Variants in PRKAG2 observed in about 807,000 individuals in gnomAD.
PRKAG2 encodes the protein 5'-AMP-activated protein kinase subunit gamma-2.
PRKAG2 carries 26 observed loss-of-function variants against 69.6 expected under a neutral mutation model. That is an observed-to-expected ratio of 0.37 (90% CI 0.27 to 0.52). The LOEUF (loss-of-function observed/expected upper bound fraction) is 0.52. Ranked by LOEUF, PRKAG2 falls within the 20% of genes least tolerant of loss-of-function variation. PRKAG2 has a pLI of 0.90. For missense variants in PRKAG2, 557 were observed against 740.0 expected (o/e 0.75, Z 2.87); for synonymous variants, 293 against 285.0 (o/e 1.03, Z -0.28).
intron 5 of PRKAG2, among the ~76,000 whole-genome samples, chr7:151,596,012 TAATAA>T (rs907438893): frequency 6.6e-6 from 1 of 150,770 alleles, no homozygotes. Context: ...TCTACAAAAC[TAATAA>T]AATAAAATAA....
chr7:151,653,185 T>C (rs1828829500), intron 4 of PRKAG2, among the ~76,000 whole-genome samples: 1 of 150,240 alleles, frequency 6.7e-6, no homozygotes, highest in Non-Finnish European at 1.5e-5. Flanking sequence ...CAAGAGGTCC[T>C]GTTCCCTTTA....
intron 13 of PRKAG2, 145 bp downstream of exon 13, chr7:151,565,201 G>A (rs770372030): frequency 3.7e-4 from 222 of 599,550 alleles, no homozygotes; most frequent in Non-Finnish European, 5.6e-4. Flanking sequence ...TACTATAGAA[G>A]GTCTATAAAA....
At chr7:151,692,474 G>A (rs1835831621) in intron 3 of PRKAG2, among the ~76,000 whole-genome samples, 1 of 152,202 alleles carries the variant, frequency 6.6e-6, no homozygotes, top group African/African-American at 2.4e-5. Flanking sequence ...AAGGGATGCG[G>A]AAATTTCTTT....
chr7:151,806,616 C>T (rs4726099), intron 1 of PRKAG2: 30,291 of 172,136 alleles, frequency 0.18, 2,884 homozygotes, highest in Non-Finnish European at 0.18. Flanking sequence ...GTGGACAATC[C>T]TTCAAAATTT....
intron 9 of PRKAG2, among the ~76,000 whole-genome samples, chr7:151,571,570 C>A (rs1334720407): frequency 6.6e-6 from 1 of 152,128 alleles, no homozygotes; most frequent in Admixed American, 6.5e-5. Flanking sequence ...ATTATTACTA[C>A]AAAATATCAT....
At chr7:151,753,156 G>A (rs1256079114) in intron 3 of PRKAG2, among the ~76,000 whole-genome samples, 1 of 152,256 alleles carries the variant, frequency 6.6e-6, no homozygotes, top group Admixed American at 6.5e-5. Flanking sequence ...CTGAGGAGCT[G>A]TTCCAGATGA....
At chr7:151,795,468 G>A (rs1215983916) in intron 1 of PRKAG2, among the ~76,000 whole-genome samples, 2 of 152,164 alleles carry the variant, frequency 1.3e-5, no homozygotes, top group East Asian at 1.9e-4. Context: ...GGGATGTTAT[G>A]GGACAGGGAG....
rs139958503 is a variant in PRKAG2 at position 151,824,469 on chromosome 7, C to T, written c.115-37928G>A. ...AATGGTATCGACTGATACTTTAAAT[C>T]GTGATGAGATTGTAATGAGATCCTA... On this transcript the variant is annotated intron_variant, in intron 1 of 15. Transcript: ENST00000287878. 8.5e-3 allele frequency among the ~76,000 whole-genome samples: 1,294 copies of T among 152,250 alleles called. 8 individuals carry two copies. The highest frequency in any genetic ancestry group is 0.014 in the Middle Eastern group (4 of 294).
chr7:151,591,042 C>T lies in PRKAG2; in HGVS notation c.864+4303G>A, dbSNP rs115718809. Among the ~76,000 whole-genome samples the T allele has an allele frequency of 8.0e-3, 1,214 of 152,272 alleles. 15 individuals are homozygous for T. Among genetic ancestry groups the T allele is most frequent in the African/African-American group, 0.027 (1,117 of 41,546 alleles). Reference sequence around the variant, plus strand: ...GCTTCGGGAGACAGGGGCATTGGCACGGATTTGTCATGTGCCACCTGCACA... The same window carrying T: ...GCTTCGGGAGACAGGGGCATTGGCATGGATTTGTCATGTGCCACCTGCACA... On this transcript the variant is annotated intron_variant, in intron 6 of 15. Coordinates refer to ENST00000287878, the MANE Select transcript of PRKAG2 (RefSeq NM_016203.4).
At chr7:151,827,984 C>T (rs1225910971) in intron 1 of PRKAG2, among the ~76,000 whole-genome samples, 1 of 152,124 alleles carries the variant, frequency 6.6e-6, no homozygotes, top group Non-Finnish European at 1.5e-5. Context: ...CCCATCCAGT[C>T]CAGAAAAACT....
chr7:151,870,950 C>A lies in PRKAG2; in HGVS notation c.114+5557G>T, dbSNP rs182105593. ...GGAGCACCTCTCCCCAGAGGGCCAG[C>A]GACATGTACATTCTGACAGAAATGC... is the stretch of plus-strand genomic sequence containing the variant. On this transcript the variant is annotated intron_variant, in intron 1 of 15. Coordinates refer to ENST00000287878, the MANE Select transcript of PRKAG2 (RefSeq NM_016203.4). Among the ~76,000 whole-genome samples the A allele has an allele frequency of 2.0e-4, 30 of 152,314 alleles. No individual in the cohort carries two copies. The East Asian group carries it at 5.8e-3, about 29-fold the overall frequency.
chr7:151,715,974 T>C (rs1250472994), intron 3 of PRKAG2, among the ~76,000 whole-genome samples: 1 of 152,150 alleles, frequency 6.6e-6, no homozygotes, highest in Non-Finnish European at 1.5e-5. Flanking sequence ...TGAAATGATA[T>C]GTCTTGGATT....
intron 6 of PRKAG2, among the ~76,000 whole-genome samples, chr7:151,579,018 T>C (rs1482917723): frequency 6.6e-6 from 1 of 152,002 alleles, no homozygotes; most frequent in African/African-American, 2.4e-5. Flanking sequence ...TATTTATTTA[T>C]TTTTTTTGGA....
Position 151,605,142 on chromosome 7 carries a change from G to C in PRKAG2, c.755-9688C>G, listed in dbSNP as rs369039242. On this transcript the variant is annotated intron_variant, in intron 5 of 15. Coordinates refer to ENST00000287878, the MANE Select transcript of PRKAG2 (RefSeq NM_016203.4). The stretch of plus-strand genomic sequence containing the variant: ...AGCAATTCTTGTTCCTCAGCCTCCT[G>C]AGTAGCTTGGATTATAGGTGTGGGA... 6.8e-4 allele frequency among the ~76,000 whole-genome samples: 103 copies of C among 152,050 alleles called. 1 individual carries two copies. In the Middle Eastern group the frequency reaches 0.031, roughly 45 times the overall value.
chr7:151,559,317 AG>A (rs1193221368), intron 15 of PRKAG2: 1 of 984,360 alleles, frequency 1.0e-6, no homozygotes, highest in Non-Finnish European at 1.2e-6. Flanking sequence ...GATTATTCCC[AG>A]TTTTATGGCA....
In PRKAG2 at chr7:151,645,908, T is replaced by C. The variant is rs1827480517; in HGVS notation, c.685-13770A>G. Among the ~76,000 whole-genome samples, 4 of 152,206 alleles carry C rather than the reference T, an allele frequency of 2.6e-5. No homozygotes were observed. The South Asian group carries it at 8.3e-4, about 32-fold the overall frequency. ...TTATGATATGTGGCAAGGGTTGAGG[T>C]TCATATTTTCCATACTGAAATCCAA... On this transcript the variant is annotated intron_variant, in intron 4 of 15. Transcript: ENST00000287878.
At chr7:151,789,976 T>C (rs2151822262) in intron 1 of PRKAG2, among the ~76,000 whole-genome samples, 1 of 152,312 alleles carries the variant, frequency 6.6e-6, no homozygotes. Flanking sequence ...GGGTTTGTCA[T>C]TTTCCAAACA....
At chr7:151,815,402 A>T (rs1019536818) in intron 1 of PRKAG2, among the ~76,000 whole-genome samples, 1 of 152,096 alleles carries the variant, frequency 6.6e-6, no homozygotes, top group Non-Finnish European at 1.5e-5. Context: ...CAACCCACAC[A>T]GACCCTTCCC....
intron 14 of PRKAG2, among the ~76,000 whole-genome samples, chr7:151,563,439 GA>G (rs1203325322): frequency 2.0e-5 from 3 of 152,140 alleles, no homozygotes; most frequent in Non-Finnish European, 2.9e-5. Flanking sequence ...TGGGAAGAGA[GA>G]AAAAAGTTTT....
Sources: gnomAD v4.1 joint callset for allele counts (sites outside exome capture counted in the v4.1 genomes callset) on GRCh38, gnomAD v4.1.1 for gene constraint, MANE v1.5 for transcripts, NCBI Gene and HGNC (gene_info 2026-07-23, HGNC 2026-07-21) for gene names.